The following ANKRD44 variants were observed in gnomAD, a reference collection of about 807,000 sequenced individuals.
ANKRD44 encodes the protein ankyrin repeat domain 44.
Under a neutral mutation model 116.0 loss-of-function variants are expected in ANKRD44, and 35 were observed. That is an observed-to-expected ratio of 0.30 (90% CI 0.23 to 0.40). ANKRD44 has a LOEUF of 0.40. ANKRD44 is among the 10% of genes least tolerant of loss of function. The pLI is 1.00. For synonymous variants in ANKRD44, 435 were observed against 461.8 expected, an observed-to-expected ratio of 0.94 and a Z score of 0.74; for missense variants, 1,014 against 1,242.6, an observed-to-expected ratio of 0.82 and a Z score of 2.77.
At chr2:197,298,902 G>A (rs545329605) in intron 1 of ANKRD44, among the ~76,000 whole-genome samples, 1 of 150,184 alleles carries the variant, frequency 6.7e-6, no homozygotes, top group South Asian at 2.1e-4. Flanking sequence ...GGGTGACAGA[G>A]TGAGATCCTG....
chr2:197,303,497 A>C (rs2083974949), intron 1 of ANKRD44, among the ~76,000 whole-genome samples: 1 of 152,238 alleles, frequency 6.6e-6, no homozygotes, highest in African/African-American at 2.4e-5. Context: ...ACTTTTAGAG[A>C]CAGGTTAGAA....
At chr2:196,973,581 C>A (rs2125859911) in intron 21 of ANKRD44, among the ~76,000 whole-genome samples, 1 of 152,262 alleles carries the variant, frequency 6.6e-6, no homozygotes, top group South Asian at 2.1e-4. Context: ...TCCTTTTCAT[C>A]CCTAACCCTG....
chr2:197,065,334 A>G (rs1041880526), intron 16 of ANKRD44, among the ~76,000 whole-genome samples: 7 of 152,308 alleles, frequency 4.6e-5, no homozygotes, highest in African/African-American at 4.8e-5. Flanking sequence ...AGCACTAAAT[A>G]CCCACAAGAG....
chr2:197,186,606 ATTTTTC>A (rs1574229167), intron 2 of ANKRD44, among the ~76,000 whole-genome samples: 2 of 81,454 alleles, frequency 2.5e-5, no homozygotes, highest in Non-Finnish European at 4.8e-5. Flanking sequence ...TGCCCGGCTA[ATTTTTC>A]TTTTTTTTTT....
At chr2:197,024,229 C>T (rs1341107362) in intron 17 of ANKRD44, among the ~76,000 whole-genome samples, 1 of 152,236 alleles carries the variant, frequency 6.6e-6, no homozygotes, top group Non-Finnish European at 1.5e-5. Context: ...CTTATGTACA[C>T]ATAGTATTAA....
At chr2:197,210,707 G>T (rs1473722930) in intron 1 of ANKRD44, among the ~76,000 whole-genome samples, 1 of 152,194 alleles carries the variant, frequency 6.6e-6, no homozygotes, top group Non-Finnish European at 1.5e-5. Flanking sequence ...GGGGCCACGG[G>T]TTGTGGACTG....
intron 3 of ANKRD44, among the ~76,000 whole-genome samples, chr2:197,139,880 G>A (rs1439473243): frequency 6.6e-6 from 1 of 150,770 alleles, no homozygotes; most frequent in Non-Finnish European, 1.5e-5. Context: ...GTGTGTGTGT[G>A]TGTGTGTGTG....
At chr2:197,305,639 AAGTT>A (rs1384360717) in intron 1 of ANKRD44, among the ~76,000 whole-genome samples, 5 of 152,288 alleles carry the variant, frequency 3.3e-5, no homozygotes, top group East Asian at 1.9e-4. Flanking sequence ...AAAAAGAAAA[AAGTT>A]AGTTCCATTA....
At chr2:197,236,042 C>T (rs553273307) in intron 1 of ANKRD44, among the ~76,000 whole-genome samples, 4 of 152,294 alleles carry the variant, frequency 2.6e-5, no homozygotes, top group African/African-American at 9.6e-5. Context: ...TTGATGGGAA[C>T]AGGACCAGAG....
chr2:197,171,897 T>C (rs2080243018), intron 2 of ANKRD44, among the ~76,000 whole-genome samples: 1 of 152,080 alleles, frequency 6.6e-6, no homozygotes, highest in East Asian at 1.9e-4. Context: ...AATTAAAAGG[T>C]TTCAAAAGAT....
intron 1 of ANKRD44, 41 bp from the exon 2 acceptor site, chr2:197,187,147 A>AC: frequency 6.5e-7 from 1 of 1,548,838 alleles, no homozygotes; most frequent in South Asian, 1.1e-5. Flanking sequence ...TAAAATTAAT[A>AC]CATCTGATCA....
At chr2:197,070,801 C>T (rs2077543183) in intron 16 of ANKRD44, among the ~76,000 whole-genome samples, 1 of 152,094 alleles carries the variant, frequency 6.6e-6, no homozygotes, top group African/African-American at 2.4e-5. Context: ...CCAGAAAAGA[C>T]TGTGTAGAAT....
chr2:197,197,564 A>T (rs984125226), intron 1 of ANKRD44, among the ~76,000 whole-genome samples: 1 of 152,180 alleles, frequency 6.6e-6, no homozygotes, highest in Non-Finnish European at 1.5e-5. Flanking sequence ...TAATCCCAAC[A>T]CTTTGGGAGA....
intron 27 of ANKRD44, 21 bp from the exon 28 acceptor site, chr2:196,989,670 A>T (rs774304659): frequency 6.5e-7 from 1 of 1,550,070 alleles, no homozygotes. Context: ...GGGAGCAGAC[A>T]CAGTATTCAC....
intron 1 of ANKRD44, among the ~76,000 whole-genome samples, chr2:197,295,244 G>C (rs2083683354): frequency 6.6e-6 from 1 of 152,144 alleles, no homozygotes; most frequent in East Asian, 1.9e-4. Context: ...TTTCTGAAGA[G>C]GATGGCCCCA....
rs752918758 is a variant in ANKRD44 at position 197,298,716 on chromosome 2, G to A, written c.27+11862C>T. On this transcript the variant is annotated intron_variant, in intron 1 of 27. Coordinates refer to ENST00000282272, the MANE Select transcript of ANKRD44 (RefSeq NM_001195144.2). ...GCAGATCACTTGATTCCAGGAGTTC[G>A]AGACCAGCCTGGGCAACATGGTGAA... 2.2e-4 allele frequency among the ~76,000 whole-genome samples: 34 copies of A among 152,184 alleles called. No individual in the cohort carries two copies. The Middle Eastern group carries it at 0.014, about 61-fold the overall frequency.
At chr2:197,127,911 G>A (rs532454401) in intron 4 of ANKRD44, among the ~76,000 whole-genome samples, 14 of 152,206 alleles carry the variant, frequency 9.2e-5, no homozygotes, top group African/African-American at 2.9e-4. Context: ...AAGTGAGGAC[G>A]TGCGGTGTTT....
chr2:197,268,647 G>A (rs1217937939), intron 1 of ANKRD44, among the ~76,000 whole-genome samples: 1 of 152,222 alleles, frequency 6.6e-6, no homozygotes, highest in Non-Finnish European at 1.5e-5. Context: ...ACTTGCACCA[G>A]CCGATACCCA....
At chr2:197,100,929 CATTT>C (rs1292512699) in intron 9 of ANKRD44, among the ~76,000 whole-genome samples, 1 of 151,998 alleles carries the variant, frequency 6.6e-6, no homozygotes, top group Non-Finnish European at 1.5e-5. Context: ...TCTATTCATT[CATTT>C]ATCTGAGGAA....
Sources: gnomAD v4.1 joint callset for allele counts (sites outside exome capture counted in the v4.1 genomes callset) on GRCh38, gnomAD v4.1.1 for gene constraint, MANE v1.5 for transcripts, NCBI Gene and HGNC (gene_info 2026-07-23, HGNC 2026-07-21) for gene names.